SBF2: variants seen among roughly 807,000 people sequenced by gnomAD.
The protein encoded by SBF2 is SET binding factor 2.
Under a neutral mutation model 225.2 loss-of-function variants are expected in SBF2, and 112 were observed. That is an observed-to-expected ratio of 0.50 (90% CI 0.43 to 0.58). SBF2 has a LOEUF of 0.58. Ranked by LOEUF, SBF2 falls within the 20% of genes least tolerant of loss-of-function variation. SBF2 has a pLI of 0.00. For synonymous variants in SBF2, 763 were observed against 773.3 expected, an observed-to-expected ratio of 0.99 and a Z score of 0.22; for missense variants, 1,996 against 2,206.2, an observed-to-expected ratio of 0.90 and a Z score of 1.91.
intron 2 of SBF2, among the ~76,000 whole-genome samples, chr11:10,118,443 A>G (rs1258800891): frequency 6.6e-6 from 1 of 152,212 alleles, no homozygotes; most frequent in Non-Finnish European, 1.5e-5. Flanking sequence ...TTTTAAAATT[A>G]CAAGTAATAT....
intron 2 of SBF2, among the ~76,000 whole-genome samples, chr11:10,119,205 A>T (rs1402868617): frequency 2.6e-5 from 4 of 152,110 alleles, no homozygotes; most frequent in Non-Finnish European, 4.4e-5. Flanking sequence ...TCCAGTTTGT[A>T]CCATGTTTTC....
intron 2 of SBF2, among the ~76,000 whole-genome samples, chr11:10,075,679 T>TA (rs145105587): frequency 0.019 from 2,848 of 152,330 alleles, 62 homozygotes; most frequent in African/African-American, 0.052. Context: ...GCCATGATTG[T>TA]AAGTTTCCTG....
intron 17 of SBF2, among the ~76,000 whole-genome samples, chr11:9,862,779 C>T (rs796615629): frequency 2.6e-5 from 4 of 151,298 alleles, no homozygotes; most frequent in African/African-American, 9.7e-5. Flanking sequence ...TTTTTTGATT[C>T]TAATAATTTC....
intron 2 of SBF2, among the ~76,000 whole-genome samples, chr11:10,098,539 C>T (rs1025287568): frequency 6.7e-6 from 1 of 148,598 alleles, no homozygotes; most frequent in Non-Finnish European, 1.5e-5. Flanking sequence ...TAGTAACTAA[C>T]ACCAAAGAAA....
intron 2 of SBF2, among the ~76,000 whole-genome samples, chr11:10,120,855 T>C (rs1181460232): frequency 3.9e-5 from 6 of 152,298 alleles, no homozygotes; most frequent in South Asian, 2.1e-4. Flanking sequence ...CCTGACCTTG[T>C]GATCCACCTG....
At chr11:9,974,655 CAA>C (rs756406933) in intron 13 of SBF2, among the ~76,000 whole-genome samples, 9 of 98,374 alleles carry the variant, frequency 9.1e-5, no homozygotes, top group Non-Finnish European at 1.3e-4. Flanking sequence ...CAACACCGCC[CAA>C]AAAAAAAAAA....
At chr11:10,204,409 G>A (rs939161930) in intron 1 of SBF2, among the ~76,000 whole-genome samples, 4 of 152,036 alleles carry the variant, frequency 2.6e-5, no homozygotes, top group Non-Finnish European at 2.9e-5. Flanking sequence ...GGGAGGCCAA[G>A]GCAGGCAGAT....
At chr11:9,872,083 C>T (rs562373685) in intron 17 of SBF2, among the ~76,000 whole-genome samples, 14 of 152,092 alleles carry the variant, frequency 9.2e-5, no homozygotes, top group African/African-American at 2.7e-4. Context: ...TACTCATCAA[C>T]GATAGACTGA....
At position 10,056,112 on chromosome 11, in the gene SBF2, G is replaced by A. The variant is rs539947447; in HGVS notation, c.142-13131C>T. Among the ~76,000 whole-genome samples, 12 of 152,266 alleles carry A rather than the reference G, an allele frequency of 7.9e-5. No individual in the cohort carries two copies. The East Asian group carries it at 1.9e-3, about 25-fold the overall frequency. On this transcript the variant is annotated intron_variant, in intron 2 of 39. Coordinates refer to ENST00000256190, the MANE Select transcript of SBF2 (RefSeq NM_030962.4). ...TGAAGACCACAGAAGAAAAGTTTTT[G>A]TACCAATGCCATGCTGTTTTGGTCA...
At chr11:10,284,933 T>A (rs1963645821) in intron 1 of SBF2, among the ~76,000 whole-genome samples, 1 of 151,550 alleles carries the variant, frequency 6.6e-6, no homozygotes, top group South Asian at 2.1e-4. Flanking sequence ...TTTTTTTTTT[T>A]AATCCAATTA....
At chr11:10,226,740 T>C (rs959150288) in intron 1 of SBF2, among the ~76,000 whole-genome samples, 4 of 152,330 alleles carry the variant, frequency 2.6e-5, no homozygotes, top group East Asian at 1.9e-4. Context: ...TGTTGGACAT[T>C]TGGCTTGGTT....
At chr11:9,919,072 C>A (rs2134215383) in intron 16 of SBF2, among the ~76,000 whole-genome samples, 1 of 152,190 alleles carries the variant, frequency 6.6e-6, no homozygotes. Flanking sequence ...TACTATCCAA[C>A]TTTTAGGAAA....
chr11:9,918,122 C>T (rs1212298018), intron 16 of SBF2, among the ~76,000 whole-genome samples: 2 of 148,406 alleles, frequency 1.3e-5, no homozygotes, highest in East Asian at 1.9e-4. Context: ...GATCATTGCC[C>T]TCTTGAAGCT....
chr11:9,982,819 C>G (rs1048881080), intron 13 of SBF2, among the ~76,000 whole-genome samples: 2 of 152,232 alleles, frequency 1.3e-5, no homozygotes, highest in African/African-American at 4.8e-5. Flanking sequence ...ACCGGAGAAG[C>G]TGAAGGTCTG....
chr11:10,027,778 C>G (rs552923855), intron 6 of SBF2, among the ~76,000 whole-genome samples: 2 of 152,288 alleles, frequency 1.3e-5, no homozygotes, highest in East Asian at 1.9e-4. Flanking sequence ...AATCTTTCAT[C>G]CTAACCATTG....
At chr11:9,896,464 G>C (rs1440668903) in intron 16 of SBF2, among the ~76,000 whole-genome samples, 1 of 152,076 alleles carries the variant, frequency 6.6e-6, no homozygotes, top group Non-Finnish European at 1.5e-5. Flanking sequence ...ATTGACTGGA[G>C]ATATTTTTTT....
chr11:9,916,349 A>C (rs1393969938), intron 16 of SBF2, among the ~76,000 whole-genome samples: 1 of 152,210 alleles, frequency 6.6e-6, no homozygotes, highest in Non-Finnish European at 1.5e-5. Flanking sequence ...TTTAAATTTT[A>C]AGAATGTAAT....
intron 39 of SBF2, 104 bp downstream of exon 39, chr11:9,781,402 TC>T: frequency 6.9e-7 from 1 of 1,457,842 alleles, no homozygotes. Context: ...GGGTCTGTCA[TC>T]CATCTGTAGT....
intron 28 of SBF2, among the ~76,000 whole-genome samples, chr11:9,821,949 G>C (rs1386634468): frequency 6.6e-6 from 1 of 152,144 alleles, no homozygotes; most frequent in Non-Finnish European, 1.5e-5. Context: ...TCTTGCCTTA[G>C]ATCAGTAAGG....
Sources: gnomAD v4.1 joint callset for allele counts (sites outside exome capture counted in the v4.1 genomes callset) on GRCh38, gnomAD v4.1.1 for gene constraint, MANE v1.5 for transcripts, NCBI Gene and HGNC (gene_info 2026-07-23, HGNC 2026-07-21) for gene names.